LHFPL3: variants seen among roughly 807,000 people sequenced by gnomAD.
LHFPL3 encodes the protein LHFPL tetraspan subfamily member 3, also known as LHFPL tetraspan subfamily member 3 protein.
In LHFPL3, 5 loss-of-function variants were observed where a neutral mutation model predicts 19.3. That is an observed-to-expected ratio of 0.26 (90% confidence interval 0.14 to 0.54). The LOEUF (loss-of-function observed/expected upper bound fraction) is 0.54. Ranked by LOEUF, LHFPL3 falls within the 20% of genes least tolerant of loss-of-function variation. The pLI is 0.94. For synonymous variants in LHFPL3, 133 were observed against 126.2 expected (o/e 1.05, Z -0.36); for missense variants, 249 against 307.4 (o/e 0.81, Z 1.42).
At chr7:104,560,515 T>A (rs1319355003) in intron 1 of LHFPL3, among the ~76,000 whole-genome samples, 1 of 149,470 alleles carries the variant, frequency 6.7e-6, no homozygotes, top group Admixed American at 6.6e-5. Flanking sequence ...TTCTGTGGGA[T>A]CGGTGGTGAT....
chr7:104,736,941 G>A (rs1256472384), intron 2 of LHFPL3, 30 bp downstream of exon 2: 1 of 1,516,260 alleles, frequency 6.6e-7, no homozygotes, highest in Non-Finnish European at 9.0e-7. Flanking sequence ...CTCTTACCTG[G>A]ATGCCTCAAG....
chr7:104,580,821 C>A (rs927670288), intron 1 of LHFPL3, among the ~76,000 whole-genome samples: 1 of 151,968 alleles, frequency 6.6e-6, no homozygotes, highest in Non-Finnish European at 1.5e-5. Flanking sequence ...CCTTCTTTTA[C>A]TCAGCATAAT....
chr7:104,723,083 G>T (rs774098274), intron 1 of LHFPL3, among the ~76,000 whole-genome samples: 2 of 152,074 alleles, frequency 1.3e-5, no homozygotes, highest in Non-Finnish European at 2.9e-5. Flanking sequence ...AATTACAAAG[G>T]TTTGTGGATT....
At position 104,568,235 on chromosome 7, in the gene LHFPL3, G is replaced by A. The variant is rs143100385; in HGVS notation, c.446-168440G>A. 5.7e-3 allele frequency among the ~76,000 whole-genome samples: 874 copies of A among 152,308 alleles called. 7 individuals are homozygous for A. Among genetic ancestry groups the A allele is most frequent in the African/African-American group, 0.019 (802 of 41,568 alleles). On this transcript the variant is annotated intron_variant, in intron 1 of 2. Transcript: ENST00000424859. ...AGCTACTGACTTGGTAGGTATGGAG[G>A]TGAAACTCCCAAGGTGATTCTGATG...
chr7:104,622,538 T>C lies in LHFPL3; in HGVS notation c.446-114137T>C, dbSNP rs1026812802. Among the ~76,000 whole-genome samples the C allele has an allele frequency of 2.0e-5, 3 of 152,182 alleles. 1 individual carries two copies. The South Asian group carries it at 6.2e-4, about 32-fold the overall frequency. ...ATAGATTGTACAATCACCACTACAA[T>C]TGGTTTTAGAACATTTTAATCTCCA... On this transcript the variant is annotated intron_variant, in intron 1 of 2. Transcript: ENST00000424859.
chr7:104,729,026 T>A lies in LHFPL3; in HGVS notation c.446-7649T>A, dbSNP rs896968253. On this transcript the variant is annotated intron_variant, in intron 1 of 2. Coordinates refer to ENST00000424859, the MANE Select transcript of LHFPL3 (RefSeq NM_199000.3). ...TAATTTTCAAAGTAACCTCTTCCTA[T>A]AAAATGTATTTATAGAATTAACACA... 2.6e-5 allele frequency among the ~76,000 whole-genome samples: 4 copies of A among 152,222 alleles called. No individual in the cohort carries two copies. In the East Asian group the frequency reaches 7.7e-4, roughly 29 times the overall value.
At chr7:104,773,801 A>G (rs544388813) in intron 2 of LHFPL3, among the ~76,000 whole-genome samples, 1 of 152,288 alleles carries the variant, frequency 6.6e-6, no homozygotes, top group South Asian at 2.1e-4. Context: ...CCAGCAAACC[A>G]CCAGAAGGTA....
intron 1 of LHFPL3, among the ~76,000 whole-genome samples, chr7:104,651,958 G>A (rs1443950350): frequency 2.0e-5 from 3 of 152,298 alleles, no homozygotes; most frequent in East Asian, 3.9e-4. Context: ...ATATATGCTC[G>A]ATAAATGTTA....
chr7:104,589,477 G>A (rs1009854292), intron 1 of LHFPL3, among the ~76,000 whole-genome samples: 1 of 152,134 alleles, frequency 6.6e-6, no homozygotes, highest in Non-Finnish European at 1.5e-5. Flanking sequence ...TGATCGTGGT[G>A]GATAAGCTTT....
chr7:104,396,683 G>T (rs561200232), intron 1 of LHFPL3, among the ~76,000 whole-genome samples: 2 of 151,758 alleles, frequency 1.3e-5, no homozygotes, highest in Middle Eastern at 7.0e-3. Flanking sequence ...GAGGGCAGGC[G>T]CAGTGGCTCA....
chr7:104,590,976 C>G (rs1340715276), intron 1 of LHFPL3, among the ~76,000 whole-genome samples: 1 of 152,148 alleles, frequency 6.6e-6, no homozygotes, highest in Non-Finnish European at 1.5e-5. Context: ...GCAGATCATC[C>G]TCCATCCCTT....
chr7:104,898,006 C>CCTTTT (rs1241339030), intron 2 of LHFPL3, among the ~76,000 whole-genome samples: 3 of 96,806 alleles, frequency 3.1e-5, no homozygotes, highest in African/African-American at 1.2e-4. Flanking sequence ...AATGTCACCC[C>CCTTTT]TTTTTTTTTT....
intron 1 of LHFPL3, among the ~76,000 whole-genome samples, chr7:104,532,550 A>C (rs889896133): frequency 2.0e-5 from 3 of 151,408 alleles, no homozygotes; most frequent in Non-Finnish European, 2.9e-5. Context: ...TCTCCCTCTG[A>C]CCCTGGGGAA....
Position 104,496,126 on chromosome 7 carries a change from C to A in LHFPL3, c.445+166902C>A, listed in dbSNP as rs372177936. On this transcript the variant is annotated intron_variant, in intron 1 of 2. Coordinates refer to ENST00000424859, the MANE Select transcript of LHFPL3 (RefSeq NM_199000.3). ...TAATGCTATCCCTCCTCCTTCCCCCCACCCCACAATAGTCCCCAGTGTGTG... is the reference window on the plus strand; with the variant it reads ...TAATGCTATCCCTCCTCCTTCCCCCAACCCCACAATAGTCCCCAGTGTGTG... 4.6e-5 allele frequency among the ~76,000 whole-genome samples: 7 copies of A among 152,258 alleles called. No homozygotes were observed. The South Asian group carries it at 8.3e-4, about 18-fold the overall frequency.
intron 1 of LHFPL3, among the ~76,000 whole-genome samples, chr7:104,349,420 G>T (rs1434641319): frequency 6.6e-6 from 1 of 152,194 alleles, no homozygotes; most frequent in African/African-American, 2.4e-5. Flanking sequence ...AGAGAAAAGT[G>T]TTGGGAAATG....
chr7:104,666,814 C>T (rs866666489), intron 1 of LHFPL3, among the ~76,000 whole-genome samples: 2 of 151,956 alleles, frequency 1.3e-5, no homozygotes, highest in Admixed American at 6.6e-5. Flanking sequence ...GAGCCACCAC[C>T]GCGCCCAGCC....
At chr7:104,730,184 G>C (rs781421249) in intron 1 of LHFPL3, among the ~76,000 whole-genome samples, 6 of 152,116 alleles carry the variant, frequency 3.9e-5, no homozygotes, top group Non-Finnish European at 7.3e-5. Flanking sequence ...TTGCTGTTCT[G>C]AGTAGTGCCA....
chr7:104,478,293 T>C (rs550935534), intron 1 of LHFPL3, among the ~76,000 whole-genome samples: 14 of 152,282 alleles, frequency 9.2e-5, no homozygotes, highest in Admixed American at 4.6e-4. Context: ...TGGAAAGATA[T>C]ATGGTCTGCC....
intron 1 of LHFPL3, among the ~76,000 whole-genome samples, chr7:104,601,855 A>G (rs183495088): frequency 4.5e-4 from 69 of 152,226 alleles, no homozygotes; most frequent in African/African-American, 1.6e-3. Context: ...GCTTTGTTCC[A>G]TGGTTCCCCA....
Sources: gnomAD v4.1 joint callset for allele counts (sites outside exome capture counted in the v4.1 genomes callset) on GRCh38, gnomAD v4.1.1 for gene constraint, MANE v1.5 for transcripts, NCBI Gene and HGNC (gene_info 2026-07-23, HGNC 2026-07-21) for gene names.